The following ARK2C variants were observed in gnomAD, a reference collection of about 807,000 sequenced individuals.
ARK2C encodes the protein arkadia (RNF111) C-terminal like ring finger ubiquitin ligase 2C.
the ARK2C span, among the ~76,000 whole-genome samples, chr18:46,345,983 G>A: frequency 1.6e-4 from 25 of 152,256 alleles, no homozygotes; most frequent in Admixed American, 6.5e-4. Flanking sequence ...ATTGGAACTC[G>A]GTTTCTCGAC....
the ARK2C span, among the ~76,000 whole-genome samples, chr18:46,404,304 T>G: frequency 6.6e-5 from 10 of 152,274 alleles, no homozygotes; most frequent in East Asian, 1.9e-3. Flanking sequence ...CTTCCTCTCT[T>G]AAGCTAATGA....
At chr18:46,413,455 C>T in the ARK2C span, among the ~76,000 whole-genome samples, 1 of 152,138 alleles carries the variant, frequency 6.6e-6, no homozygotes, top group African/African-American at 2.4e-5. Flanking sequence ...GTTTGGAGTC[C>T]TACAGAGCTC....
the ARK2C span, among the ~76,000 whole-genome samples, chr18:46,447,996 A>G: frequency 8.5e-6 from 1 of 117,718 alleles, no homozygotes; most frequent in Non-Finnish European, 1.8e-5. Context: ...GCCCCCTTAT[A>G]TGCTGGCTCC....
At chr18:46,351,312 G>A in the ARK2C span, among the ~76,000 whole-genome samples, 8 of 152,340 alleles carry the variant, frequency 5.3e-5, no homozygotes, top group African/African-American at 1.9e-4. Context: ...AGGGCTGGGG[G>A]CAGGGATGGG....
At chr18:46,450,668 T>G in the ARK2C span, 1 of 1,523,690 alleles carries the variant, frequency 6.6e-7, no homozygotes, top group Non-Finnish European at 9.1e-7. Context: ...CATTTATACA[T>G]GCTGAGCACA....
chr18:46,370,561 G>A, the ARK2C span, among the ~76,000 whole-genome samples: 1 of 152,210 alleles, frequency 6.6e-6, no homozygotes, highest in African/African-American at 2.4e-5. Context: ...ATCCAAGAGT[G>A]TGTCTGGTCC....
the ARK2C span, chr18:46,334,411 G>A: frequency 7.4e-7 from 1 of 1,347,076 alleles, no homozygotes; most frequent in Non-Finnish European, 1.0e-6. The surrounding 1 kb of genome is among the most constrained non-coding windows in gnomAD (Gnocchi z 4.4). Context: ...GGGCGCCGCG[G>A]GCGGCCGGGG....
chr18:46,364,541 A>T, the ARK2C span, among the ~76,000 whole-genome samples: 1 of 151,318 alleles, frequency 6.6e-6, no homozygotes, highest in Non-Finnish European at 1.5e-5. Flanking sequence ...ATTTCAGGCC[A>T]CCTCCCCTCT....
the ARK2C span, among the ~76,000 whole-genome samples, chr18:46,405,466 A>C: frequency 6.6e-6 from 1 of 152,318 alleles, no homozygotes; most frequent in East Asian, 1.9e-4. Flanking sequence ...GGAGGGCTGC[A>C]GACACAGCTG....
the ARK2C span, chr18:46,433,616 G>A: frequency 7.1e-6 from 7 of 979,084 alleles, no homozygotes; most frequent in East Asian, 8.0e-5. Context: ...TGGCGGAGAC[G>A]GGGGCGGGGC....
the ARK2C span, among the ~76,000 whole-genome samples, chr18:46,395,819 C>T: frequency 6.6e-6 from 1 of 152,196 alleles, no homozygotes; most frequent in Non-Finnish European, 1.5e-5. Flanking sequence ...TTTCTGGGGC[C>T]AGGTGGTGAT....
the ARK2C span, among the ~76,000 whole-genome samples, chr18:46,350,434 C>T: frequency 2.6e-5 from 4 of 152,196 alleles, no homozygotes; most frequent in South Asian, 2.1e-4. Flanking sequence ...GGGATGGAAG[C>T]GTGAGGTCCA....
At chr18:46,371,771 G>T in the ARK2C span, among the ~76,000 whole-genome samples, 1 of 152,310 alleles carries the variant, frequency 6.6e-6, no homozygotes, top group South Asian at 2.1e-4. Flanking sequence ...GGACCAAAGA[G>T]ACTAGTGACT....
the ARK2C span, among the ~76,000 whole-genome samples, chr18:46,388,216 T>C: frequency 6.6e-6 from 1 of 152,170 alleles, no homozygotes; most frequent in Non-Finnish European, 1.5e-5. Flanking sequence ...GCTAAGTAAG[T>C]TGGAGAAATC....
chr18:46,361,017 GA>G, the ARK2C span, among the ~76,000 whole-genome samples: 1 of 152,214 alleles, frequency 6.6e-6, no homozygotes, highest in Non-Finnish European at 1.5e-5. Context: ...TCTGCAAGTG[GA>G]AAAGGTTTAA....
the ARK2C span, among the ~76,000 whole-genome samples, chr18:46,398,212 G>C: frequency 6.6e-6 from 1 of 150,734 alleles, no homozygotes; most frequent in Non-Finnish European, 1.5e-5. Context: ...AAGTGTGAGG[G>C]TGTGTGTGCC....
At chr18:46,341,304 GGGCTGA>G in the ARK2C span, among the ~76,000 whole-genome samples, 2 of 126,534 alleles carry the variant, frequency 1.6e-5, no homozygotes, top group Non-Finnish European at 3.3e-5. Flanking sequence ...ATGGGGCTAA[GGGCTGA>G]GGTCAGGGAG....
chr18:46,409,986 C>A, the ARK2C span, among the ~76,000 whole-genome samples: 1 of 152,150 alleles, frequency 6.6e-6, no homozygotes, highest in South Asian at 2.1e-4. Flanking sequence ...AGGATTTGAG[C>A]ATTTGTGATT....
chr18:46,383,754 C>A, the ARK2C span, among the ~76,000 whole-genome samples: 1 of 151,966 alleles, frequency 6.6e-6, no homozygotes, highest in Non-Finnish European at 1.5e-5. Flanking sequence ...CGGGGTTTCA[C>A]CGTGTTGGCC....
Sources: allele counts gnomAD v4.1 joint callset (sites outside exome capture counted in the v4.1 genomes callset), GRCh38; gene constraint gnomAD v4.1.1; non-coding constraint Gnocchi (gnomAD v3.1); transcripts MANE v1.5; gene names NCBI Gene and HGNC (gene_info 2026-07-23, HGNC 2026-07-21).